CIMAP2: variants seen among roughly 807,000 people sequenced by gnomAD.
CIMAP2 encodes ciliary microtubule associated protein 2.
chr1:54,811,776 C>CGGGGGGGGG, the CIMAP2 span: 3 of 491,886 alleles, frequency 6.1e-6, no homozygotes, highest in Non-Finnish European at 1.2e-5. Context: ...CCTCCATGCC[C>CGGGGGGGGG]CCACCCCCGC....
chr1:54,821,212 T>C, the CIMAP2 span, among the ~76,000 whole-genome samples: 3 of 126,442 alleles, frequency 2.4e-5, no homozygotes, highest in Admixed American at 7.9e-5. Flanking sequence ...TCTTTTGCTG[T>C]GCAAAAGTTT....
At chr1:54,813,998 C>A in the CIMAP2 span, 2 of 1,564,120 alleles carry the variant, frequency 1.3e-6, no homozygotes, top group Non-Finnish European at 8.6e-7. Context: ...CTATGGCCGG[C>A]CTTCCTCTCT....
the CIMAP2 span, among the ~76,000 whole-genome samples, chr1:54,828,982 G>C: frequency 2.0e-5 from 3 of 152,164 alleles, no homozygotes; most frequent in Non-Finnish European, 1.5e-5. Context: ...TACATTTTAA[G>C]ATAGAAGAAT....
the CIMAP2 span, among the ~76,000 whole-genome samples, chr1:54,811,118 G>A: frequency 2.4e-4 from 37 of 152,288 alleles, no homozygotes; most frequent in Non-Finnish European, 4.4e-4. Context: ...CTATCCCATG[G>A]TACCAGTATG....
At chr1:54,835,553 G>C in the CIMAP2 span, among the ~76,000 whole-genome samples, 1 of 152,136 alleles carries the variant, frequency 6.6e-6, no homozygotes, top group Admixed American at 6.5e-5. Context: ...ATTATGCTCA[G>C]TGCTTTTCAG....
the CIMAP2 span, chr1:54,812,184 A>C: frequency 6.2e-7 from 1 of 1,614,174 alleles, no homozygotes; most frequent in Non-Finnish European, 8.5e-7. Context: ...GCACTACTCC[A>C]TGCAGGTGTG....
chr1:54,837,685 G>A, the CIMAP2 span, among the ~76,000 whole-genome samples: 1 of 152,108 alleles, frequency 6.6e-6, no homozygotes, highest in Non-Finnish European at 1.5e-5. Context: ...AAACCCTCCT[G>A]CATGTGTTCA....
chr1:54,838,356 G>A, the CIMAP2 span, among the ~76,000 whole-genome samples: 1 of 151,922 alleles, frequency 6.6e-6, no homozygotes, highest in South Asian at 2.1e-4. Flanking sequence ...GGTGGTGGGT[G>A]CCTGTAGTCC....
chr1:54,811,298 A>G, the CIMAP2 span, among the ~76,000 whole-genome samples: 1 of 152,120 alleles, frequency 6.6e-6, no homozygotes, highest in Non-Finnish European at 1.5e-5. Flanking sequence ...GAATTGCCAA[A>G]TCCACCAAAG....
chr1:54,831,692 A>G, the CIMAP2 span, among the ~76,000 whole-genome samples: 7 of 152,208 alleles, frequency 4.6e-5, no homozygotes, highest in African/African-American at 1.7e-4. Flanking sequence ...GTAAAAATAC[A>G]TCTGGCTATG....
the CIMAP2 span, chr1:54,812,144 T>C: frequency 1.9e-6 from 3 of 1,614,220 alleles, no homozygotes; most frequent in South Asian, 3.3e-5. Flanking sequence ...ACACTTTCTC[T>C]GGTGATCGGA....
chr1:54,814,504 T>C, the CIMAP2 span, among the ~76,000 whole-genome samples: 2 of 152,212 alleles, frequency 1.3e-5, no homozygotes, highest in African/African-American at 2.4e-5. Context: ...GATTATCATC[T>C]GCATTTCACT....
chr1:54,806,810 G>T, the CIMAP2 span, among the ~76,000 whole-genome samples: 2 of 150,990 alleles, frequency 1.3e-5, no homozygotes, highest in African/African-American at 4.9e-5. Flanking sequence ...GGAGCTGGTG[G>T]GTGGGGTGGG....
At chr1:54,838,346 G>A in the CIMAP2 span, among the ~76,000 whole-genome samples, 1 of 151,820 alleles carries the variant, frequency 6.6e-6, no homozygotes, top group African/African-American at 2.4e-5. Context: ...AGCCGGGTGC[G>A]GTGGTGGGTG....
chr1:54,841,931 T>C, the CIMAP2 span: 1 of 1,498,646 alleles, frequency 6.7e-7, no homozygotes, highest in Non-Finnish European at 9.1e-7. Context: ...TGAAGACAAA[T>C]CTGGGGGTGA....
the CIMAP2 span, among the ~76,000 whole-genome samples, chr1:54,818,472 A>G: frequency 6.7e-6 from 1 of 149,482 alleles, no homozygotes; most frequent in African/African-American, 2.5e-5. Context: ...CCCTACTATT[A>G]TTTTAAAAAT....
At chr1:54,835,886 A>C in the CIMAP2 span, among the ~76,000 whole-genome samples, 1 of 152,118 alleles carries the variant, frequency 6.6e-6, no homozygotes, top group Non-Finnish European at 1.5e-5. Context: ...CTGGAAGATG[A>C]GAGCAGAAGG....
chr1:54,830,095 T>C, the CIMAP2 span, among the ~76,000 whole-genome samples: 2 of 152,328 alleles, frequency 1.3e-5, no homozygotes, highest in South Asian at 4.1e-4. This position sits in a 1 kb window ranked among gnomAD's most constrained non-coding sequence, Gnocchi z 4.1. Flanking sequence ...GTTAGAACTT[T>C]CCTCTCTGGG....
chr1:54,831,520 G>A, the CIMAP2 span, among the ~76,000 whole-genome samples: 1 of 152,086 alleles, frequency 6.6e-6, no homozygotes, highest in East Asian at 1.9e-4. Flanking sequence ...AGGTGTGGTG[G>A]CACACACCTG....
Sources: gnomAD v4.1 joint callset for allele counts (sites outside exome capture counted in the v4.1 genomes callset) on GRCh38, gnomAD v4.1.1 for gene constraint, Gnocchi (gnomAD v3.1) non-coding constraint, MANE v1.5 for transcripts, NCBI Gene and HGNC (gene_info 2026-07-23, HGNC 2026-07-21) for gene names.